Variants in RAB27A observed in about 807,000 individuals in gnomAD.
RAB27A encodes ras-related protein Rab-27A.
In RAB27A, 17 loss-of-function variants were observed where a neutral mutation model predicts 20.8. The observed-to-expected ratio is 0.82, with a 90% CI of 0.56 to 1.23. RAB27A has a LOEUF of 1.23. Ranked by LOEUF, RAB27A falls within the 50% of genes most tolerant of loss-of-function variation. The probability of loss-of-function intolerance (pLI) is 0.00; values close to 1 mark genes in which losing one functional copy is unlikely to be tolerated. For synonymous variants in RAB27A, 85 were observed against 92.8 expected (o/e 0.92, Z 0.48); for missense variants, 277 against 266.7 (o/e 1.04, Z -0.27).
intron 2 of RAB27A, among the ~76,000 whole-genome samples, chr15:55,262,443 G>A (rs1387857033): frequency 1.3e-5 from 2 of 151,574 alleles, no homozygotes; most frequent in African/African-American, 2.4e-5. Flanking sequence ...TCGGGAGGCT[G>A]AGGCAGGAGA....
At chr15:55,228,525 T>G in intron 5 of RAB27A, 84 bp downstream of exon 5, 1 of 1,069,404 alleles carries the variant, frequency 9.4e-7, no homozygotes, top group African/African-American at 1.6e-5. Flanking sequence ...CCAAAACGAT[T>G]TGTCACAGAA....
intron 1 of RAB27A, among the ~76,000 whole-genome samples, chr15:55,285,576 T>A (rs577837703): frequency 5.9e-5 from 9 of 152,178 alleles, no homozygotes; most frequent in Admixed American, 1.3e-4. Context: ...GGAAACCAAA[T>A]CATAAACTCA....
intron 6 of RAB27A, among the ~76,000 whole-genome samples, chr15:55,210,096 G>A (rs1894919211): frequency 1.4e-5 from 2 of 144,090 alleles, no homozygotes; most frequent in Admixed American, 6.8e-5. Flanking sequence ...ACATATATGT[G>A]TGTATATATA....
intron 1 of RAB27A, among the ~76,000 whole-genome samples, chr15:55,280,050 A>C (rs183584395): frequency 6.6e-6 from 1 of 152,172 alleles, no homozygotes; most frequent in African/African-American, 2.4e-5. Context: ...GGTGGTGCTG[A>C]TGTTACTGGT....
intron 6 of RAB27A, among the ~76,000 whole-genome samples, chr15:55,218,575 T>C (rs1895419880): frequency 6.6e-6 from 1 of 152,192 alleles, no homozygotes; most frequent in African/African-American, 2.4e-5. Context: ...ATTATTAATG[T>C]TGTAAATAAA....
rs535671016 is a variant in RAB27A, at chr15:55,277,849, A to G, written c.-142-7565T>C. On this transcript the variant is annotated intron_variant, in intron 1 of 6. Coordinates refer to ENST00000336787, the MANE Select transcript of RAB27A (RefSeq NM_183235.3). ...GACCAACCATCCCAGTTTAGTGGGG[A>G]CTGAGTTATAGCACTGAAAGTCATG... is the stretch of plus-strand genomic sequence containing the variant. Among the ~76,000 whole-genome samples, 30 of 152,330 alleles carry G rather than the reference A, an allele frequency of 2.0e-4. No homozygotes were observed. In the South Asian group the frequency reaches 6.2e-3, roughly 32 times the overall value.
intron 2 of RAB27A, among the ~76,000 whole-genome samples, chr15:55,313,339 G>A (rs2055029241): frequency 6.6e-6 from 1 of 152,136 alleles, no homozygotes; most frequent in South Asian, 2.1e-4. Flanking sequence ...AGGAGTTCAA[G>A]GTTATAGCGA....
intron 1 of RAB27A, among the ~76,000 whole-genome samples, chr15:55,279,416 G>A (rs1474003974): frequency 6.6e-6 from 1 of 152,162 alleles, no homozygotes; most frequent in African/African-American, 2.4e-5. Context: ...TCTCTGCAAG[G>A]GAGGCCTAGG....
At chr15:55,261,879 G>A (rs1335392715) in intron 2 of RAB27A, among the ~76,000 whole-genome samples, 1 of 150,860 alleles carries the variant, frequency 6.6e-6, no homozygotes, top group African/African-American at 2.4e-5. Flanking sequence ...CTCTACTAAA[G>A]ATACAAAATT....
chr15:55,275,080 G>A (rs902429880), intron 1 of RAB27A, among the ~76,000 whole-genome samples: 11 of 150,652 alleles, frequency 7.3e-5, no homozygotes, highest in East Asian at 2.0e-4. Context: ...GTAAAAGCCC[G>A]TCTCCACTAA....
Position 55,205,521 on chromosome 15 carries a change from C to T in RAB27A, c.652G>A (p.Ala218Thr), listed in dbSNP as rs373190916. 1.9e-6 allele frequency: 3 copies of T among 1,614,144 alleles called. No individual in the cohort carries two copies. Among genetic ancestry groups the T allele is most frequent in the Non-Finnish European group, 2.5e-6 (3 of 1,180,024 alleles). ...TACTTGACTTCTCAACAGCCACATG[C>T]CCCTTTCTCCTTTTCTTCACTTAAC... ...DQLSEEKEKG[A>T]CGC The change falls in exon 7 of 7, where the codon GCA (alanine) becomes ACA (threonine). Residue 218 changes from alanine to threonine, a missense_variant. Ala to Thr is a moderately conservative substitution (Grantham distance 58, BLOSUM62 0). Coordinates refer to ENST00000336787, the MANE Select transcript of RAB27A (RefSeq NM_183235.3).
At chr15:55,258,375 A>G (rs1383895292) in intron 2 of RAB27A, among the ~76,000 whole-genome samples, 2 of 152,160 alleles carry the variant, frequency 1.3e-5, no homozygotes, top group Non-Finnish European at 2.9e-5. Context: ...AACCTTGTTC[A>G]TGATATTTGT....
intron 2 of RAB27A, among the ~76,000 whole-genome samples, chr15:55,257,589 G>A (rs76629454): frequency 0.026 from 3,887 of 152,310 alleles, 185 homozygotes; most frequent in African/African-American, 0.087. Context: ...ACAGCTAGAT[G>A]TCCTGCACAG....
intron 2 of RAB27A, among the ~76,000 whole-genome samples, chr15:55,244,409 C>A (rs901349809): frequency 6.6e-6 from 1 of 152,098 alleles, no homozygotes; most frequent in African/African-American, 2.4e-5. Flanking sequence ...CTCATGTGAT[C>A]CTCCAGTCTC....
chr15:55,289,921 G>C (rs1307444887), upstream of RAB27A: 1 of 151,846 alleles, frequency 6.6e-6, no homozygotes, highest in Non-Finnish European at 1.5e-5. Flanking sequence ...CCGCCCGGCT[G>C]GCGGGGGGCG....
chr15:55,257,069 A>G lies in RAB27A; in HGVS notation c.-23+13096T>C, dbSNP rs984909601. Among the ~76,000 whole-genome samples, 15 of 152,318 alleles carry G rather than the reference A, an allele frequency of 9.8e-5. 1 individual carries two copies. The highest frequency in any genetic ancestry group is 7.2e-4 in the Admixed American group (11 of 15,296). ...AGGTGGAAAAGGACACAGCAAAGAGAACACCAAAGAATAAAGCCTAGGGGG... is the reference window on the plus strand; with the variant it reads ...AGGTGGAAAAGGACACAGCAAAGAGGACACCAAAGAATAAAGCCTAGGGGG... On this transcript the variant is annotated intron_variant, in intron 2 of 6. Coordinates refer to ENST00000336787, the MANE Select transcript of RAB27A (RefSeq NM_183235.3).
chr15:55,228,151 A>T (rs1241298386), intron 5 of RAB27A, among the ~76,000 whole-genome samples: 1 of 152,234 alleles, frequency 6.6e-6, no homozygotes, highest in Non-Finnish European at 1.5e-5. Context: ...CTCTAAGCAC[A>T]GAAAAGACAT....
At chr15:55,257,929 G>T (rs1421727068) in intron 2 of RAB27A, among the ~76,000 whole-genome samples, 1 of 152,076 alleles carries the variant, frequency 6.6e-6, no homozygotes, top group African/African-American at 2.4e-5. Flanking sequence ...GGAGGCAAAG[G>T]TTACAGTGAG....
At chr15:55,243,471 A>G (rs1341499809) in intron 2 of RAB27A, among the ~76,000 whole-genome samples, 1 of 152,006 alleles carries the variant, frequency 6.6e-6, no homozygotes, top group East Asian at 1.9e-4. Context: ...CCTGGCCAAC[A>G]TGGTGAAACG....
Sources: allele counts gnomAD v4.1 joint callset (sites outside exome capture counted in the v4.1 genomes callset), GRCh38; gene constraint gnomAD v4.1.1; transcripts MANE v1.5; gene names NCBI Gene and HGNC (gene_info 2026-07-23, HGNC 2026-07-21).